Variants in CACNA1C observed in about 807,000 individuals in gnomAD.
CACNA1C encodes the protein voltage-dependent L-type calcium channel subunit alpha-1C.
In CACNA1C, 30 loss-of-function variants were observed where a neutral mutation model predicts 229.0. That is an observed-to-expected ratio of 0.13 (90% confidence interval 0.10 to 0.18). The LOEUF (loss-of-function observed/expected upper bound fraction) is 0.18, where lower values mean the gene tolerates loss of function less well. Ranked by LOEUF, CACNA1C falls within the 10% of genes least tolerant of loss-of-function variation. The pLI is 1.00. For synonymous variants in CACNA1C, 1,114 were observed against 1,132.5 expected (o/e 0.98, Z 0.33); for missense variants, 1,658 against 2,845.0 (o/e 0.58, Z 9.49).
At chr12:2,024,136 G>A (rs1428760832) in intron 1 of CACNA1C, among the ~76,000 whole-genome samples, 1 of 152,206 alleles carries the variant, frequency 6.6e-6, no homozygotes, top group East Asian at 1.9e-4. Flanking sequence ...TCAATCCAGA[G>A]ATATTTACCT....
chr12:2,534,977 C>A (rs2099849664), intron 9 of CACNA1C, among the ~76,000 whole-genome samples: 2 of 152,200 alleles, frequency 1.3e-5, no homozygotes, highest in Non-Finnish European at 2.9e-5. Context: ...AACCTCTATC[C>A]TAAGGGGGCC....
intron 6 of CACNA1C, among the ~76,000 whole-genome samples, chr12:2,489,780 A>G (rs1260058576): frequency 6.6e-6 from 1 of 152,166 alleles, no homozygotes; most frequent in Non-Finnish European, 1.5e-5. Flanking sequence ...ACTCTCTCCT[A>G]ATCGTCACCT....
chr12:2,604,486 C>T (rs1182110626), intron 22 of CACNA1C, among the ~76,000 whole-genome samples: 3 of 151,500 alleles, frequency 2.0e-5, no homozygotes, highest in African/African-American at 7.3e-5. Context: ...ACATCACCTC[C>T]AGCCACAAGG....
rs1483300219 is a variant in CACNA1C, at chr12:2,285,519, A to G, written c.478-163457A>G. Reference sequence around the variant, plus strand: ...CCGGCTACAACTCAGGAGCTTTTGGAACTTAGGAGCTCTGTTCTTAAACTC... The same window carrying G: ...CCGGCTACAACTCAGGAGCTTTTGGGACTTAGGAGCTCTGTTCTTAAACTC... On this transcript the variant is annotated intron_variant, in intron 3 of 46. Transcript: ENST00000399655. The surrounding 1 kb of genome is among the most constrained non-coding windows in gnomAD (Gnocchi z 4.2). Among the ~76,000 whole-genome samples the G allele has an allele frequency of 6.6e-6, 1 of 152,024 alleles. No individual in the cohort carries two copies. The highest frequency in any genetic ancestry group is 1.5e-5 in the Non-Finnish European group (1 of 67,998).
chr12:2,259,963 G>C (rs1210033649), intron 3 of CACNA1C, among the ~76,000 whole-genome samples: 3 of 152,030 alleles, frequency 2.0e-5, no homozygotes, highest in Non-Finnish European at 4.4e-5. Flanking sequence ...CGCTTTCTTG[G>C]GTGTTCTCAT....
intron 1 of CACNA1C, among the ~76,000 whole-genome samples, chr12:2,066,212 G>T (rs549573264): frequency 6.6e-6 from 1 of 152,144 alleles, no homozygotes; most frequent in African/African-American, 2.4e-5. Context: ...GGTAGAGGTT[G>T]TATTTGGAGG....
chr12:2,163,665 C>G (rs1419601788), intron 3 of CACNA1C, among the ~76,000 whole-genome samples: 1 of 152,184 alleles, frequency 6.6e-6, no homozygotes, highest in Non-Finnish European at 1.5e-5. Flanking sequence ...CTTTGGCAGG[C>G]GAGTTGACCA....
intron 3 of CACNA1C, among the ~76,000 whole-genome samples, chr12:2,190,435 T>G (rs918211221): frequency 6.6e-6 from 1 of 152,176 alleles, no homozygotes; most frequent in African/African-American, 2.4e-5. Context: ...TTTCTGTTTT[T>G]TGTTGTTTGT....
At chr12:2,496,203 C>T (rs569205671) in intron 7 of CACNA1C, among the ~76,000 whole-genome samples, 20 of 152,244 alleles carry the variant, frequency 1.3e-4, no homozygotes, top group South Asian at 1.0e-3. Context: ...AGTTTGAAAA[C>T]GCTGGAAATC....
At position 2,479,860 on chromosome 12, in the gene CACNA1C, G is replaced by A. The variant is rs2099664921; in HGVS notation, c.758-6244G>A. On this transcript the variant is annotated intron_variant, in intron 5 of 46. Coordinates refer to ENST00000399655, the MANE Select transcript of CACNA1C (RefSeq NM_000719.7). The surrounding 1 kb of genome is among the most constrained non-coding windows in gnomAD (Gnocchi z 4.3). ...TCTTTTCATCCAGGCTTTCCGTATT[G>A]GCAGAATCTCACATGGTGCCGCAGC... is the stretch of plus-strand genomic sequence containing the variant. 6.6e-6 allele frequency among the ~76,000 whole-genome samples: 1 copy of A among 152,154 alleles called. No individual in the cohort carries two copies. Among genetic ancestry groups the A allele is most frequent in the African/African-American group, 2.4e-5 (1 of 41,434 alleles).
At chr12:2,065,809 G>T (rs981650246) in intron 1 of CACNA1C, among the ~76,000 whole-genome samples, 5 of 152,198 alleles carry the variant, frequency 3.3e-5, no homozygotes, top group Admixed American at 2.6e-4. Flanking sequence ...GGGTGGGATG[G>T]CCTGTAATGT....
intron 3 of CACNA1C, among the ~76,000 whole-genome samples, chr12:2,183,158 C>T (rs1365304192): frequency 1.3e-5 from 2 of 152,066 alleles, no homozygotes; most frequent in Non-Finnish European, 1.5e-5. Context: ...TAGGCGTGAG[C>T]CACCATGCCC....
At chr12:2,300,001 A>G (rs1299786095) in intron 3 of CACNA1C, among the ~76,000 whole-genome samples, 1 of 152,204 alleles carries the variant, frequency 6.6e-6, no homozygotes, top group Non-Finnish European at 1.5e-5. Context: ...TCATTTTGTA[A>G]CTCAGATAGA....
chr12:2,130,099 T>TAGC (rs960688073), intron 3 of CACNA1C, among the ~76,000 whole-genome samples: 2 of 151,926 alleles, frequency 1.3e-5, no homozygotes, highest in Non-Finnish European at 2.9e-5. Context: ...CTAATAATAA[T>TAGC]AGCAGCAATA....
intron 1 of CACNA1C, among the ~76,000 whole-genome samples, chr12:2,026,099 A>G (rs982628732): frequency 1.3e-5 from 2 of 152,206 alleles, no homozygotes; most frequent in African/African-American, 4.8e-5. Context: ...TCAGTGGTGG[A>G]TGGATGGAAA....
chr12:2,042,045 A>G (rs2050208036), intron 1 of CACNA1C, among the ~76,000 whole-genome samples: 1 of 152,244 alleles, frequency 6.6e-6, no homozygotes, highest in African/African-American at 2.4e-5. Context: ...AGTTTAACAT[A>G]AAATTGTTGC....
intron 24 of CACNA1C, among the ~76,000 whole-genome samples, chr12:2,606,263 T>G (rs1231195469): frequency 1.3e-5 from 2 of 152,084 alleles, no homozygotes; most frequent in African/African-American, 4.8e-5. Context: ...AGTTCTGCTA[T>G]TCTCCCACCT....
chr12:2,203,078 A>G (rs1246447829), intron 3 of CACNA1C, among the ~76,000 whole-genome samples: 1 of 152,164 alleles, frequency 6.6e-6, no homozygotes, highest in Non-Finnish European at 1.5e-5. Flanking sequence ...AAAGGTCTTG[A>G]TTTCCATGCT....
intron 8 of CACNA1C, among the ~76,000 whole-genome samples, chr12:2,508,862 G>T (rs2099777411): frequency 6.6e-6 from 1 of 152,150 alleles, no homozygotes; most frequent in Non-Finnish European, 1.5e-5. Context: ...GCAAGACATA[G>T]GACTGGTGCT....
Sources: gnomAD v4.1 joint callset for allele counts (sites outside exome capture counted in the v4.1 genomes callset) on GRCh38, gnomAD v4.1.1 for gene constraint, Gnocchi (gnomAD v3.1) non-coding constraint, MANE v1.5 for transcripts, NCBI Gene and HGNC (gene_info 2026-07-23, HGNC 2026-07-21) for gene names.